STK10: variants seen among roughly 807,000 people sequenced by gnomAD.
STK10 encodes serine/threonine-protein kinase 10.
In STK10, 78 loss-of-function variants were observed where a neutral mutation model predicts 113.8. That is an observed-to-expected ratio of 0.69 (90% CI 0.57 to 0.83). The LOEUF (loss-of-function observed/expected upper bound fraction) is 0.83, where lower values mean the gene tolerates loss of function less well. Among genes scored for constraint, STK10 ranks in the 40% least tolerant of loss-of-function variants. The pLI, the probability that STK10 is intolerant of heterozygous loss-of-function variation, is 0.00. For missense variants in STK10, 1,109 were observed against 1,280.1 expected (o/e 0.87, Z 2.04); for synonymous variants, 465 against 494.7 (o/e 0.94, Z 0.80).
rs765978181 is a variant in STK10 at position 172,093,512 on chromosome 5, G to T, written c.1454C>A (p.Ser485Ter). The change falls in exon 9 of 19, where the codon TCG becomes TAG. Residue 485 changes from serine to a stop codon, truncating the protein, a stop_gained. Transcript: ENST00000176763. LOFTEE classifies it high-confidence loss of function. The surrounding 1 kb of genome is among the most constrained non-coding windows in gnomAD (Gnocchi z 4.1). The part of the protein sequence containing the change: ...QAAPGPSKRD[S>*]DCSSLCTSES... The stretch of plus-strand genomic sequence containing the variant: ...AGAGGTGCAGAGGCTGCTGCAGTCC[G>T]AGTCCCTCTTGGAAGGCCCTGGAGC... The T allele has an allele frequency of 6.2e-7, 1 of 1,614,224 alleles. No homozygotes were observed. The highest frequency in any genetic ancestry group is 8.5e-7 in the Non-Finnish European group (1 of 1,180,042).
chr5:172,057,290 A>G, intron 15 of STK10, 59 bp downstream of exon 15: 1 of 1,551,560 alleles, frequency 6.4e-7, no homozygotes, highest in Non-Finnish European at 8.7e-7. Flanking sequence ...ATACAGCCTC[A>G]TGGCTCTCCC....
Position 172,178,534 on chromosome 5 carries a change from G to A in STK10, c.156+9353C>T, listed in dbSNP as rs79235396. Reference sequence around the variant, plus strand: ...CCGCCTTCTTATCCTGAGCACCTACGGTGGCTAACTGGATACCCGCTGTAT... The same window carrying A: ...CCGCCTTCTTATCCTGAGCACCTACAGTGGCTAACTGGATACCCGCTGTAT... On this transcript the variant is annotated intron_variant, in intron 1 of 18. Transcript: ENST00000176763. Among the ~76,000 whole-genome samples the A allele has an allele frequency of 8.0e-3, 1,224 of 152,224 alleles. 23 individuals carry two copies. The highest frequency in any genetic ancestry group is 0.028 in the African/African-American group (1,146 of 41,510).
rs369577776 is a variant in STK10, at chr5:172,082,411, C to T, written c.1904G>A (p.Arg635His). 103 of 1,611,472 alleles carry T rather than the reference C, an allele frequency of 6.4e-5. 1 individual carries two copies. Among genetic ancestry groups the T allele is most frequent in the South Asian group, 2.4e-4 (22 of 90,718 alleles). ...GCGGATCCGCCTGGCCTCCTCCCGG[C>T]GGCGCACGGCATGGTCTTGCTCCAT... ...EKMEQDHAVR[R>H]REEARRIRLE... The change falls in exon 12 of 19, where the codon CGC becomes CAC. Residue 635 changes from arginine (R) to histidine (H), a missense_variant. Physicochemically the swap from Arg to His is conservative, Grantham distance 29. Around this residue, in one of 5 missense-constraint regions of STK10, gnomAD observed 885 missense variants for 991.1 expected, o/e 0.89. Transcript: ENST00000176763. This position sits in a 1 kb window ranked among gnomAD's most constrained non-coding sequence, Gnocchi z 4.3.
chr5:172,048,453 A>ACACACACACACACC (rs58262876), intron 18 of STK10, among the ~76,000 whole-genome samples: 2 of 146,828 alleles, frequency 1.4e-5, no homozygotes, highest in Non-Finnish European at 3.0e-5. Flanking sequence ...ACACACACAC[A>ACACACACACACACC]TCCTCTCTCT....
intron 10 of STK10, among the ~76,000 whole-genome samples, chr5:172,088,441 T>C (rs556597684): frequency 1.8e-3 from 274 of 152,186 alleles, no homozygotes; most frequent in African/African-American, 4.5e-3. Flanking sequence ...AGAGAATCGC[T>C]TGAACCCGGG....
At chr5:172,181,671 A>AG (rs1207570736) in intron 1 of STK10, among the ~76,000 whole-genome samples, 2 of 148,204 alleles carry the variant, frequency 1.3e-5, no homozygotes, top group Non-Finnish European at 3.0e-5. Flanking sequence ...TTTAGTAGAG[A>AG]GGGGGTTTTG....
chr5:172,170,674 T>C (rs908871922), intron 1 of STK10, among the ~76,000 whole-genome samples: 7 of 152,344 alleles, frequency 4.6e-5, no homozygotes, highest in African/African-American at 1.7e-4. Context: ...GGCCCAAAGA[T>C]ACCAAGTCTT....
At chr5:172,108,739 T>A (rs1173069318) in intron 4 of STK10, among the ~76,000 whole-genome samples, 2 of 151,864 alleles carry the variant, frequency 1.3e-5, no homozygotes, top group Non-Finnish European at 2.9e-5. Context: ...GAGCCAGGAT[T>A]GTGCCACTGC....
intron 18 of STK10, among the ~76,000 whole-genome samples, chr5:172,048,453 A>ACACACACACACACAC (rs58262876): frequency 6.8e-6 from 1 of 146,830 alleles, no homozygotes; most frequent in African/African-American, 2.6e-5. Context: ...ACACACACAC[A>ACACACACACACACAC]TCCTCTCTCT....
chr5:172,121,136 C>T (rs1338021136), intron 3 of STK10, among the ~76,000 whole-genome samples: 2 of 150,954 alleles, frequency 1.3e-5, no homozygotes, highest in Non-Finnish European at 2.9e-5. Context: ...TCAAGCAATT[C>T]TCCTGCCTCA....
intron 2 of STK10, among the ~76,000 whole-genome samples, chr5:172,132,728 C>T (rs778648859): frequency 5.0e-4 from 76 of 152,126 alleles, no homozygotes; most frequent in Non-Finnish European, 8.2e-4. Flanking sequence ...ACCAGGGGCC[C>T]TACTTTGCTA....
chr5:172,152,622 C>T (rs1053971242), intron 2 of STK10, among the ~76,000 whole-genome samples: 5 of 152,178 alleles, frequency 3.3e-5, no homozygotes, highest in African/African-American at 7.2e-5. Flanking sequence ...TGTATTATTC[C>T]ATTCTCTTCT....
chr5:172,175,128 G>A (rs1374507460), intron 1 of STK10, among the ~76,000 whole-genome samples: 3 of 152,138 alleles, frequency 2.0e-5, no homozygotes, highest in Non-Finnish European at 4.4e-5. Flanking sequence ...TGATCCTCCT[G>A]CCTCAGCCTC....
chr5:172,061,898 G>A (rs1767944725), intron 13 of STK10, among the ~76,000 whole-genome samples: 1 of 152,122 alleles, frequency 6.6e-6, no homozygotes, highest in Non-Finnish European at 1.5e-5. Flanking sequence ...GAGTGAATGA[G>A]TGGACATGAG....
intron 12 of STK10, among the ~76,000 whole-genome samples, chr5:172,069,970 G>A (rs974009175): frequency 1.3e-5 from 2 of 152,098 alleles, no homozygotes; most frequent in African/African-American, 4.8e-5. Flanking sequence ...TATATGGGCC[G>A]GGCGTGGTGG....
chr5:172,168,377 C>G (rs1164783945), intron 1 of STK10, among the ~76,000 whole-genome samples: 1 of 152,134 alleles, frequency 6.6e-6, no homozygotes, highest in Non-Finnish European at 1.5e-5. Context: ...GAAAAGGGCC[C>G]AACATAAAGC....
intron 2 of STK10, among the ~76,000 whole-genome samples, chr5:172,149,719 A>G (rs1770170483): frequency 6.6e-6 from 1 of 152,134 alleles, no homozygotes; most frequent in African/African-American, 2.4e-5. Flanking sequence ...GCAGAGATAC[A>G]AGGGCCAGGA....
intron 7 of STK10, among the ~76,000 whole-genome samples, chr5:172,104,774 T>C (rs1769061524): frequency 6.6e-6 from 1 of 152,212 alleles, no homozygotes; most frequent in South Asian, 2.1e-4. Context: ...CCTAAACTGT[T>C]CTGCAAACAA....
intron 12 of STK10, among the ~76,000 whole-genome samples, chr5:172,076,991 A>G (rs1206465654): frequency 6.6e-6 from 1 of 150,668 alleles, no homozygotes; most frequent in Non-Finnish European, 1.5e-5. Context: ...AGGCAAAGGA[A>G]CAGTAAAAGT....
Sources: gnomAD v4.1 joint callset for allele counts (sites outside exome capture counted in the v4.1 genomes callset) on GRCh38, gnomAD v4.1.1 for gene constraint, gnomAD v4.1.1 regional missense constraint, Gnocchi (gnomAD v3.1) non-coding constraint, MANE v1.5 for transcripts, NCBI Gene and HGNC (gene_info 2026-07-23, HGNC 2026-07-21) for gene names.